The following NDST4 variants were observed in gnomAD, a reference collection of about 807,000 sequenced individuals.
NDST4 encodes the protein N-heparan sulfate sulfotransferase 4.
A neutral mutation model predicts 100.8 loss-of-function variants in NDST4; 63 were observed. The observed-to-expected ratio is 0.62, with a 90% CI of 0.51 to 0.77. The LOEUF (loss-of-function observed/expected upper bound fraction) is 0.77, where lower values mean the gene tolerates loss of function less well. Among genes scored for constraint, NDST4 ranks in the 30% least tolerant of loss-of-function variants. The pLI, the probability that NDST4 is intolerant of heterozygous loss-of-function variation, is 0.00. For synonymous variants in NDST4, 377 were observed against 361.8 expected, an observed-to-expected ratio of 1.04 and a Z score of -0.48; for missense variants, 943 against 1,018.4, an observed-to-expected ratio of 0.93 and a Z score of 1.01.
chr4:114,845,764 C>T, intron 10 of NDST4, 59 bp downstream of exon 10: 1 of 1,460,488 alleles, frequency 6.8e-7, no homozygotes, highest in Non-Finnish European at 9.4e-7. Context: ...GGTTATTTTT[C>T]ATTGCCTCCA....
intron 2 of NDST4, among the ~76,000 whole-genome samples, chr4:115,057,710 ACAC>A (rs1389138672): frequency 9.0e-6 from 1 of 111,512 alleles, no homozygotes; most frequent in Admixed American, 8.5e-5. Context: ...ACGCACACAC[ACAC>A]ACACACACAC....
intron 4 of NDST4, among the ~76,000 whole-genome samples, chr4:114,950,099 G>A (rs901695922): frequency 6.6e-6 from 1 of 151,908 alleles, no homozygotes; most frequent in Non-Finnish European, 1.5e-5. Context: ...TCTAAGCAAA[G>A]GTCATTTATA....
At chr4:115,068,380 T>C (rs1194412288) in intron 2 of NDST4, among the ~76,000 whole-genome samples, 3 of 152,270 alleles carry the variant, frequency 2.0e-5, no homozygotes, top group Admixed American at 2.0e-4. Context: ...TCAAACCAAA[T>C]AGCCTGCTAG....
chr4:115,011,747 A>T (rs1282762006), intron 2 of NDST4, among the ~76,000 whole-genome samples: 3 of 151,944 alleles, frequency 2.0e-5, no homozygotes, highest in Non-Finnish European at 2.9e-5. Flanking sequence ...ATTCCAATAT[A>T]GCTTCCTCAA....
intron 2 of NDST4, among the ~76,000 whole-genome samples, chr4:115,038,993 A>T (rs933441970): frequency 2.3e-4 from 35 of 150,336 alleles, no homozygotes; most frequent in African/African-American, 8.6e-4. Flanking sequence ...GAAAAAAAAA[A>T]TTCTCAAAAT....
chr4:114,986,793 CATATATATATATATATATATAT>C lies in NDST4; in HGVS notation c.979-9541_979-9520del, dbSNP rs59806494. ...CCTCTAAGCCTGGTATCCAATTATA[CATATATATATATATATATATAT>C]ATATATATATATATATATTTTAATA... On this transcript the variant is annotated intron_variant, in intron 2 of 13. Transcript: ENST00000264363. Among the ~76,000 whole-genome samples, 13 of 91,148 alleles carry C rather than the reference CATATATATATATATATATATAT, an allele frequency of 1.4e-4. 1 individual carries two copies. Among genetic ancestry groups the C allele is most frequent in the East Asian group, 5.4e-4 (1 of 1,862 alleles). The allele number at this position is 91,148 out of a possible 152,430, so 59.8% of individuals were successfully genotyped here.
chr4:115,103,461 C>T (rs573980658), intron 1 of NDST4, among the ~76,000 whole-genome samples: 3 of 152,178 alleles, frequency 2.0e-5, no homozygotes, highest in East Asian at 1.9e-4. Flanking sequence ...CATTGCTGTA[C>T]TCAAGACTTA....
chr4:114,856,546 G>A (rs957789557), intron 7 of NDST4, among the ~76,000 whole-genome samples: 4 of 152,128 alleles, frequency 2.6e-5, no homozygotes, highest in Admixed American at 6.5e-5. Context: ...TATAGGTGCT[G>A]CAAAATCATA....
At chr4:115,040,797 A>T (rs1181901132) in intron 2 of NDST4, among the ~76,000 whole-genome samples, 3 of 152,014 alleles carry the variant, frequency 2.0e-5, no homozygotes, top group Non-Finnish European at 4.4e-5. Flanking sequence ...AAGTTAGAAT[A>T]ATTTGAGCAT....
intron 1 of NDST4, among the ~76,000 whole-genome samples, chr4:115,110,344 G>A (rs1369755500): frequency 6.6e-6 from 1 of 151,944 alleles, no homozygotes; most frequent in African/African-American, 2.4e-5. Flanking sequence ...TATCATGATG[G>A]CTGAAGGCGG....
chr4:114,929,855 T>C (rs1483271030), intron 6 of NDST4, among the ~76,000 whole-genome samples: 1 of 152,158 alleles, frequency 6.6e-6, no homozygotes, highest in African/African-American at 2.4e-5. Flanking sequence ...CATGTCTTTA[T>C]TGACAAATAG....
chr4:115,053,594 G>A (rs978585067), intron 2 of NDST4, among the ~76,000 whole-genome samples: 6 of 152,054 alleles, frequency 3.9e-5, no homozygotes, highest in East Asian at 1.9e-4. Flanking sequence ...GATAAACACA[G>A]TCACATACAA....
At chr4:114,988,189 G>A (rs1726953420) in intron 2 of NDST4, among the ~76,000 whole-genome samples, 1 of 151,590 alleles carries the variant, frequency 6.6e-6, no homozygotes, top group Non-Finnish European at 1.5e-5. Flanking sequence ...TCTTATTCTT[G>A]CTGAGAAATC....
At chr4:114,996,864 G>A (rs1578440395) in intron 2 of NDST4, among the ~76,000 whole-genome samples, 1 of 151,938 alleles carries the variant, frequency 6.6e-6, no homozygotes, top group East Asian at 1.9e-4. Context: ...TTCATAGGTG[G>A]CCTCATAGAG....
At chr4:115,005,343 C>A (rs1316524847) in intron 2 of NDST4, among the ~76,000 whole-genome samples, 3 of 152,046 alleles carry the variant, frequency 2.0e-5, no homozygotes, top group African/African-American at 7.2e-5. Flanking sequence ...GGGTGGTTTG[C>A]AGTTTAAATA....
chr4:114,992,448 CTTAA>C (rs1727061297), intron 2 of NDST4, among the ~76,000 whole-genome samples: 1 of 151,508 alleles, frequency 6.6e-6, no homozygotes, highest in South Asian at 2.1e-4. Flanking sequence ...ACACATTACT[CTTAA>C]TTAAAGTTCC....
chr4:114,920,577 C>T (rs540013855), intron 6 of NDST4, among the ~76,000 whole-genome samples: 1 of 152,180 alleles, frequency 6.6e-6, no homozygotes, highest in Admixed American at 6.5e-5. Flanking sequence ...CAAGGAAACA[C>T]TTCATGCTTG....
intron 12 of NDST4, among the ~76,000 whole-genome samples, chr4:114,832,037 T>C (rs115598732): frequency 1.7e-3 from 254 of 152,336 alleles, no homozygotes; most frequent in Non-Finnish European, 2.6e-3. Context: ...ACATATTTTG[T>C]ACTTGTTTGT....
chr4:115,107,528 T>C (rs1729855986), intron 1 of NDST4, among the ~76,000 whole-genome samples: 1 of 152,072 alleles, frequency 6.6e-6, no homozygotes, highest in Non-Finnish European at 1.5e-5. Flanking sequence ...GACATCTATG[T>C]TTTATATGGA....
Sources: allele counts gnomAD v4.1 joint callset (sites outside exome capture counted in the v4.1 genomes callset), GRCh38; gene constraint gnomAD v4.1.1; transcripts MANE v1.5; gene names NCBI Gene and HGNC (gene_info 2026-07-23, HGNC 2026-07-21).